The following CDH8 variants were observed in gnomAD, a reference collection of about 807,000 sequenced individuals.
The protein encoded by CDH8 is cadherin 8.
CDH8 carries 17 observed loss-of-function variants against 68.1 expected under a neutral mutation model. The observed-to-expected ratio is 0.25, with a 90% CI of 0.17 to 0.37. The LOEUF (loss-of-function observed/expected upper bound fraction) is 0.37. Ranked by LOEUF, CDH8 falls within the 10% of genes least tolerant of loss-of-function variation. The probability of loss-of-function intolerance (pLI) is 1.00; values close to 1 mark genes in which losing one functional copy is unlikely to be tolerated. For synonymous variants in CDH8, 372 were observed against 365.1 expected (o/e 1.02, Z -0.21); for missense variants, 763 against 999.3 (o/e 0.76, Z 3.19).
At chr16:61,931,130 C>T (rs1346144212) in intron 2 of CDH8, among the ~76,000 whole-genome samples, 6 of 152,008 alleles carry the variant, frequency 3.9e-5, no homozygotes, top group South Asian at 2.1e-4. Context: ...TCACTTAAAA[C>T]GAAAAAGTTG....
chr16:61,936,157 CATT>C (rs1260099378), intron 2 of CDH8, among the ~76,000 whole-genome samples: 2 of 152,052 alleles, frequency 1.3e-5, no homozygotes, highest in Non-Finnish European at 2.9e-5. Context: ...GCATATCTGT[CATT>C]GTATATACTC....
At chr16:62,019,530 T>C (rs544914639) in intron 2 of CDH8, among the ~76,000 whole-genome samples, 1 of 152,280 alleles carries the variant, frequency 6.6e-6, no homozygotes, top group East Asian at 1.9e-4. Flanking sequence ...TTAAGGTATA[T>C]AAACTATATG....
At chr16:61,661,956 T>C (rs1208330407) in intron 10 of CDH8, among the ~76,000 whole-genome samples, 5 of 151,628 alleles carry the variant, frequency 3.3e-5, no homozygotes, top group Admixed American at 2.6e-4. Flanking sequence ...ACTTTGTTTC[T>C]GATTTTTTTA....
At chr16:61,931,492 A>T (rs1964539077) in intron 2 of CDH8, among the ~76,000 whole-genome samples, 1 of 151,672 alleles carries the variant, frequency 6.6e-6, no homozygotes, top group South Asian at 2.1e-4. Flanking sequence ...GGACTTTTCT[A>T]AAAAAAACAT....
chr16:61,718,244 T>C (rs1332324199), intron 9 of CDH8, among the ~76,000 whole-genome samples: 1 of 151,444 alleles, frequency 6.6e-6, no homozygotes, highest in East Asian at 1.9e-4. Flanking sequence ...AGGTTCTTGA[T>C]TGATTCTAAC....
intron 3 of CDH8, among the ~76,000 whole-genome samples, chr16:61,859,077 T>A (rs1194022193): frequency 6.6e-6 from 1 of 152,152 alleles, no homozygotes; most frequent in Non-Finnish European, 1.5e-5. Flanking sequence ...AATAATAATA[T>A]TTGTTGAGCA....
chr16:61,678,322 A>G (rs947367992), intron 10 of CDH8, among the ~76,000 whole-genome samples: 5 of 151,984 alleles, frequency 3.3e-5, no homozygotes, highest in Non-Finnish European at 5.9e-5. Context: ...GTCATGACCA[A>G]TGTTTGGCTC....
intron 3 of CDH8, among the ~76,000 whole-genome samples, chr16:61,860,698 G>T (rs905806287): frequency 1.6e-4 from 24 of 151,980 alleles, no homozygotes; most frequent in Non-Finnish European, 2.9e-5. Flanking sequence ...TGAGAATTTA[G>T]TTCCAGTCAC....
intron 2 of CDH8, among the ~76,000 whole-genome samples, chr16:61,953,111 C>T (rs1964923184): frequency 6.6e-6 from 1 of 152,118 alleles, no homozygotes; most frequent in African/African-American, 2.4e-5. Flanking sequence ...CATGTGGGGA[C>T]ACAGAGAGAA....
At chr16:62,035,621 C>T (rs1902437787) in intron 1 of CDH8, among the ~76,000 whole-genome samples, 1 of 152,204 alleles carries the variant, frequency 6.6e-6, no homozygotes, top group South Asian at 2.1e-4. Flanking sequence ...ATAGACCACT[C>T]GGGCCCCCTC....
At chr16:61,755,819 T>C (rs1160594021) in intron 8 of CDH8, among the ~76,000 whole-genome samples, 6 of 151,924 alleles carry the variant, frequency 3.9e-5, no homozygotes, top group Admixed American at 1.3e-4. Flanking sequence ...TCCTTCTTCT[T>C]TTTTTGGTGG....
chr16:61,977,019 A>T (rs984096612), intron 2 of CDH8, among the ~76,000 whole-genome samples: 2 of 152,168 alleles, frequency 1.3e-5, no homozygotes, highest in Admixed American at 1.3e-4. Context: ...TGAACTGCAT[A>T]ATATAAGAAG....
intron 10 of CDH8, among the ~76,000 whole-genome samples, chr16:61,673,655 C>A (rs1386431785): frequency 3.3e-5 from 5 of 152,010 alleles, no homozygotes; most frequent in African/African-American, 1.2e-4. Context: ...TCTTTCTTGT[C>A]CATGGAAGAA....
chr16:61,963,719 C>T (rs775543467), intron 2 of CDH8, among the ~76,000 whole-genome samples: 1 of 152,216 alleles, frequency 6.6e-6, no homozygotes, highest in African/African-American at 2.4e-5. Flanking sequence ...CAAGCTCCCA[C>T]TGTTCCTGAA....
chr16:61,942,130 G>T (rs113239017), intron 2 of CDH8, among the ~76,000 whole-genome samples: 7 of 152,114 alleles, frequency 4.6e-5, no homozygotes, highest in African/African-American at 1.7e-4. Context: ...TGATCATTTT[G>T]ATTTTTTTTA....
At chr16:61,688,523 T>G (rs1193116908) in intron 10 of CDH8, among the ~76,000 whole-genome samples, 3 of 151,844 alleles carry the variant, frequency 2.0e-5, no homozygotes, top group Non-Finnish European at 2.9e-5. Flanking sequence ...TTGGAAGAAA[T>G]GAAATGTACT....
chr16:61,699,520 C>T (rs1468288737), intron 10 of CDH8, among the ~76,000 whole-genome samples: 1 of 152,086 alleles, frequency 6.6e-6, no homozygotes, highest in Non-Finnish European at 1.5e-5. Flanking sequence ...TTCAGTGGAG[C>T]GTTGATCTCC....
intron 2 of CDH8, among the ~76,000 whole-genome samples, chr16:61,976,515 AGT>A (rs1965437347): frequency 6.6e-6 from 1 of 152,094 alleles, no homozygotes; most frequent in Non-Finnish European, 1.5e-5. Flanking sequence ...CCAGAGGCAG[AGT>A]TGTTACCAAG....
intron 8 of CDH8, among the ~76,000 whole-genome samples, chr16:61,742,889 G>T (rs1567449628): frequency 6.6e-6 from 1 of 152,110 alleles, no homozygotes; most frequent in African/African-American, 2.4e-5. Flanking sequence ...ATTTGAGCAT[G>T]AGAACTTATG....
Sources: allele counts gnomAD v4.1 joint callset (sites outside exome capture counted in the v4.1 genomes callset), GRCh38; gene constraint gnomAD v4.1.1; transcripts MANE v1.5; gene names NCBI Gene and HGNC (gene_info 2026-07-23, HGNC 2026-07-21).